Variants in LITAF observed in about 807,000 individuals in gnomAD.
LITAF encodes the protein lipopolysaccharide induced TNF factor.
In LITAF, 9 loss-of-function variants were observed where a neutral mutation model predicts 14.5. The observed-to-expected ratio is 0.62, with a 90% CI of 0.37 to 1.08. LITAF has a LOEUF of 1.08. Among genes scored for constraint, LITAF ranks in the 50% least tolerant of loss-of-function variants. The pLI, the probability that LITAF is intolerant of heterozygous loss-of-function variation, is 0.01. For missense variants in LITAF, 206 were observed against 213.4 expected (o/e 0.97, Z 0.22); for synonymous variants, 98 against 88.2 (o/e 1.11, Z -0.62).
intron 1 of LITAF, among the ~76,000 whole-genome samples, chr16:11,570,822 G>A (rs2064530311): frequency 6.6e-6 from 1 of 152,114 alleles, no homozygotes; most frequent in African/African-American, 2.4e-5. Flanking sequence ...TGAGGTAGAA[G>A]GAGGTTGGGG....
intron 1 of LITAF, among the ~76,000 whole-genome samples, chr16:11,566,534 C>T (rs138084542): frequency 1.6e-3 from 239 of 152,296 alleles, no homozygotes; most frequent in Non-Finnish European, 2.8e-3. Flanking sequence ...GAGGCCAAGG[C>T]AGAAGGATCG....
chr16:11,637,916 ATATC>A (rs1168704746), upstream of LITAF, among the ~76,000 whole-genome samples: 369 of 64,890 alleles, frequency 5.7e-3, 72 homozygotes, highest in African/African-American at 0.014. Context: ...ATATATATCT[ATATC>A]TATATCTATA....
Position 11,605,353 on chromosome 16 carries a change from C to T in LITAF, c.85+28180G>A, listed in dbSNP as rs1234979915. 6.6e-6 allele frequency among the ~76,000 whole-genome samples: 1 copy of T among 152,176 alleles called. No individual in the cohort carries two copies. Among genetic ancestry groups the T allele is most frequent in the Non-Finnish European group, 1.5e-5 (1 of 68,020 alleles). On this transcript the variant is annotated intron_variant, in intron 3 of 3. Coordinates refer to the LITAF transcript ENST00000574848. The surrounding 1 kb of genome is among the most constrained non-coding windows in gnomAD (Gnocchi z 4.7). ...TGTCTTCAGAAACCCCCACGAGGCCCAGGATTCCTCCCAGGCGGGATCCTG... is the reference window on the plus strand; with the variant it reads ...TGTCTTCAGAAACCCCCACGAGGCCTAGGATTCCTCCCAGGCGGGATCCTG...
intron 3 of LITAF, among the ~76,000 whole-genome samples, chr16:11,608,712 C>A (rs2064967059): frequency 2.0e-5 from 3 of 152,170 alleles, no homozygotes; most frequent in South Asian, 2.1e-4. Flanking sequence ...CCTATAATCC[C>A]AGCACTTTGG....
intron 3 of LITAF, chr16:11,551,719 G>A (rs1225491965): frequency 3.0e-6 from 2 of 672,776 alleles, no homozygotes; most frequent in African/African-American, 1.8e-5. Context: ...GTGGTCCCAG[G>A]TACTCAGGAG....
upstream of LITAF, among the ~76,000 whole-genome samples, chr16:11,600,900 C>A (rs887268760): frequency 6.6e-6 from 1 of 152,036 alleles, no homozygotes; most frequent in Admixed American, 6.6e-5. This position sits in a 1 kb window ranked among gnomAD's most constrained non-coding sequence, Gnocchi z 4.1. Flanking sequence ...TACAAGAGCT[C>A]GGGAACTGCC....
At chr16:11,628,403 G>C (rs988029332) in intron 3 of LITAF, among the ~76,000 whole-genome samples, 5 of 152,210 alleles carry the variant, frequency 3.3e-5, no homozygotes, top group African/African-American at 1.2e-4. Context: ...ACACCCAGTA[G>C]ATGCTCTCAG....
chr16:11,617,558 C>T (rs775318197), intron 3 of LITAF, among the ~76,000 whole-genome samples: 49 of 150,292 alleles, frequency 3.3e-4, no homozygotes, highest in Admixed American at 8.2e-4. Flanking sequence ...TCCCAAGTAG[C>T]TGGGACTACA....
At chr16:11,555,713 C>CT (rs1280872772) in intron 2 of LITAF, among the ~76,000 whole-genome samples, 1 of 151,794 alleles carries the variant, frequency 6.6e-6, no homozygotes, top group East Asian at 1.9e-4. Context: ...ACAGGATGGT[C>CT]TAAGAATCTA....
At chr16:11,629,372 G>C (rs925770890) in intron 3 of LITAF, among the ~76,000 whole-genome samples, 1 of 152,240 alleles carries the variant, frequency 6.6e-6, no homozygotes, top group African/African-American at 2.4e-5. Context: ...GAAGAGGGGA[G>C]TAAGGAGACA....
intron 1 of LITAF, among the ~76,000 whole-genome samples, chr16:11,593,729 G>A (rs1347817694): frequency 6.6e-6 from 1 of 152,184 alleles, no homozygotes; most frequent in African/African-American, 2.4e-5. Flanking sequence ...AACACATTTT[G>A]TAAAATGAAA....
intron 1 of LITAF, among the ~76,000 whole-genome samples, chr16:11,567,293 G>A (rs888127264): frequency 5.9e-5 from 9 of 151,984 alleles, no homozygotes; most frequent in South Asian, 2.1e-4. Context: ...GGTGGCACAC[G>A]CCTGTAATCC....
chr16:11,587,267 C>G (rs1288581318), upstream of LITAF: 1 of 410,762 alleles, frequency 2.4e-6, no homozygotes, highest in Non-Finnish European at 4.9e-6. Flanking sequence ...CCTGATTTGC[C>G]GCTCGCGGCT....
In LITAF at chr16:11,632,113, C is replaced by T. The variant is rs1463309612; in HGVS notation, c.85+1420G>A. Among the ~76,000 whole-genome samples the T allele has an allele frequency of 1.3e-5, 2 of 152,050 alleles. No individual in the cohort carries two copies. The highest frequency in any genetic ancestry group is 2.9e-5 in the Non-Finnish European group (2 of 68,008). Reference sequence around the variant, plus strand: ...TGATCTCCTGACCTCGTGATCCACCCGCCTCGGCCTCCCAAAGTGCTGGGA... The same window carrying T: ...TGATCTCCTGACCTCGTGATCCACCTGCCTCGGCCTCCCAAAGTGCTGGGA... On this transcript the variant is annotated intron_variant, in intron 3 of 3. Coordinates refer to the LITAF transcript ENST00000574848. The surrounding 1 kb of genome is among the most constrained non-coding windows in gnomAD (Gnocchi z 4.8).
chr16:11,548,725 C>T lies in LITAF; in HGVS notation c.*912G>A. The T allele has an allele frequency of 2.2e-6, 1 of 453,664 alleles. No individual in the cohort carries two copies. Among genetic ancestry groups the T allele is most frequent in the Non-Finnish European group, 4.4e-6 (1 of 226,704 alleles). 28.1% of individuals were successfully genotyped at this position (453,664 alleles called of 1,614,324 possible). ...GCATGGTAGCTTATGCCTGCAATCC[C>T]AGCACTTCGGGAGGCCAAGGCAGAA... On this transcript the variant is annotated 3_prime_UTR_variant, in exon 4 of 4. Coordinates refer to ENST00000622633, the MANE Select transcript of LITAF (RefSeq NM_001136472.2).
chr16:11,619,499 G>T (rs1490450261), intron 3 of LITAF, among the ~76,000 whole-genome samples: 1 of 152,096 alleles, frequency 6.6e-6, no homozygotes, highest in Admixed American at 6.5e-5. Flanking sequence ...ACAGAAACAG[G>T]AGAAGCAAGC....
chr16:11,594,141 G>A (rs755595973), intron 1 of LITAF, among the ~76,000 whole-genome samples: 3 of 151,652 alleles, frequency 2.0e-5, no homozygotes, highest in Non-Finnish European at 4.4e-5. Flanking sequence ...AGCCGAGATG[G>A]CGCCACTGCA....
At chr16:11,622,885 G>C (rs955026308) in intron 3 of LITAF, among the ~76,000 whole-genome samples, 1 of 151,364 alleles carries the variant, frequency 6.6e-6, no homozygotes, top group African/African-American at 2.4e-5. Context: ...CAGGTATTTC[G>C]TATATCATTA....
chr16:11,568,445 A>G (rs2064490384), intron 1 of LITAF, among the ~76,000 whole-genome samples: 1 of 152,096 alleles, frequency 6.6e-6, no homozygotes, highest in Non-Finnish European at 1.5e-5. Context: ...GGGTAGCCCT[A>G]AAGCCACTTG....
Sources: gnomAD v4.1 joint callset for allele counts (sites outside exome capture counted in the v4.1 genomes callset) on GRCh38, gnomAD v4.1.1 for gene constraint, Gnocchi (gnomAD v3.1) non-coding constraint, MANE v1.5 for transcripts, NCBI Gene and HGNC (gene_info 2026-07-23, HGNC 2026-07-21) for gene names.